The following SMURF2 variants were observed in gnomAD, a reference collection of about 807,000 sequenced individuals.
SMURF2 encodes the protein E3 ubiquitin-protein ligase SMURF2.
SMURF2 carries 48 observed loss-of-function variants against 109.6 expected under a neutral mutation model. That is an observed-to-expected ratio of 0.44 (90% confidence interval 0.35 to 0.56). The LOEUF is 0.56. Ranked by LOEUF, SMURF2 falls within the 20% of genes least tolerant of loss-of-function variation. SMURF2 has a pLI of 0.01. For synonymous variants in SMURF2, 288 were observed against 317.1 expected, an observed-to-expected ratio of 0.91 and a Z score of 0.97; for missense variants, 575 against 909.0, an observed-to-expected ratio of 0.63 and a Z score of 4.72.
chr17:64,548,515 G>A (rs944347520), intron 16 of SMURF2, among the ~76,000 whole-genome samples: 3 of 152,138 alleles, frequency 2.0e-5, no homozygotes, highest in Admixed American at 2.0e-4. Context: ...AGCCTCCCAA[G>A]TAGCTGGGAT....
At chr17:64,560,633 T>C (rs868944321) in intron 12 of SMURF2, among the ~76,000 whole-genome samples, 7 of 152,038 alleles carry the variant, frequency 4.6e-5, no homozygotes, top group South Asian at 2.1e-4. Flanking sequence ...TTTTCACACA[T>C]AGAAAAGAAT....
At chr17:64,631,310 G>C (rs952130343) in intron 1 of SMURF2, among the ~76,000 whole-genome samples, 89 of 132,034 alleles carry the variant, frequency 6.7e-4, no homozygotes, top group Non-Finnish European at 9.8e-4. Flanking sequence ...GAGAGAGAGA[G>C]AGAGAGAGAG....
intron 9 of SMURF2, among the ~76,000 whole-genome samples, chr17:64,576,396 G>C (rs1034026243): frequency 2.0e-5 from 3 of 152,012 alleles, no homozygotes; most frequent in Non-Finnish European, 4.4e-5. Context: ...AGGCACAGTG[G>C]CTCACGCATG....
At chr17:64,648,328 A>G (rs556037640) in intron 1 of SMURF2, among the ~76,000 whole-genome samples, 10 of 152,282 alleles carry the variant, frequency 6.6e-5, no homozygotes, top group African/African-American at 2.4e-4. Flanking sequence ...TCAAATATTA[A>G]CAAATGAACA....
chr17:64,620,046 C>G (rs16947930), intron 1 of SMURF2, among the ~76,000 whole-genome samples: 7,650 of 152,216 alleles, frequency 0.05, 317 homozygotes, highest in Admixed American at 0.14. Flanking sequence ...AGTGAACCTG[C>G]TCTTCTTTTT....
chr17:64,619,275 G>A (rs1250398674), intron 1 of SMURF2, among the ~76,000 whole-genome samples: 2 of 151,768 alleles, frequency 1.3e-5, no homozygotes, highest in East Asian at 1.9e-4. Context: ...TCAGGAGATC[G>A]AGACCAGCCT....
chr17:64,553,038 C>T lies in SMURF2; in HGVS notation c.1749-1334G>A, dbSNP rs116102114. Reference sequence around the variant, plus strand: ...ATTTTTTTTAAGTAGAAACGTAATACATACTTTTTACGTATATAACAAAAA... The same window carrying T: ...ATTTTTTTTAAGTAGAAACGTAATATATACTTTTTACGTATATAACAAAAA... On this transcript the variant is annotated intron_variant, in intron 15 of 18. Transcript: ENST00000262435. Among the ~76,000 whole-genome samples, 1,070 of 152,204 alleles carry T rather than the reference C, an allele frequency of 7.0e-3. 14 individuals carry two copies. Among genetic ancestry groups the T allele is most frequent in the African/African-American group, 0.025 (1,036 of 41,536 alleles).
chr17:64,552,559 A>G (rs1969060442), intron 15 of SMURF2, among the ~76,000 whole-genome samples: 2 of 152,204 alleles, frequency 1.3e-5, no homozygotes, highest in Admixed American at 1.3e-4. Flanking sequence ...TTTTTAATCT[A>G]ATAACTGTAG....
At chr17:64,576,967 G>A (rs1056044664) in intron 9 of SMURF2, among the ~76,000 whole-genome samples, 8 of 128,234 alleles carry the variant, frequency 6.2e-5, no homozygotes, top group Admixed American at 3.9e-4. Flanking sequence ...TGCAACTTCC[G>A]CCTCCCACTT....
At chr17:64,568,223 C>T (rs1969344162) in intron 10 of SMURF2, among the ~76,000 whole-genome samples, 1 of 152,134 alleles carries the variant, frequency 6.6e-6, no homozygotes, top group Admixed American at 6.6e-5. Context: ...CTCCTGACCT[C>T]AGGCAATCCG....
In SMURF2 at chr17:64,554,898, T is replaced by G. The variant is rs782068855; in HGVS notation, c.1706A>C (p.Lys569Thr). The G allele has an allele frequency of 1.2e-6, 2 of 1,613,780 alleles. No homozygotes were observed. Among genetic ancestry groups the G allele is most frequent in the Admixed American group, 3.3e-5 (2 of 60,012 alleles). The change falls in exon 15 of 19, where the codon AAA becomes ACA. Residue 569 changes from lysine to threonine, a missense_variant. Around this residue, in one of 5 missense-constraint regions of SMURF2, gnomAD observed 361 missense variants for 612.1 expected, o/e 0.59. Coordinates refer to ENST00000262435, the MANE Select transcript of SMURF2 (RefSeq NM_022739.4). ...IIQHELKPNG[K>T]SIPVNEENKK... ...ATTTTCTTCATTAACAGGGATACTTTTGCCATTTGGTTTAAGTTCATGCTG... is the reference window on the plus strand; with the variant it reads ...ATTTTCTTCATTAACAGGGATACTTGTGCCATTTGGTTTAAGTTCATGCTG...
chr17:64,622,288 T>C (rs925353885), intron 1 of SMURF2, among the ~76,000 whole-genome samples: 1 of 152,100 alleles, frequency 6.6e-6, no homozygotes, highest in Non-Finnish European at 1.5e-5. Flanking sequence ...TCACTTATCC[T>C]ATCATGAACA....
intron 1 of SMURF2, among the ~76,000 whole-genome samples, chr17:64,623,160 C>A (rs1197700013): frequency 1.3e-5 from 2 of 152,104 alleles, no homozygotes; most frequent in African/African-American, 4.8e-5. Context: ...TTAGTCATTT[C>A]TCCAAGCAAC....
At chr17:64,604,488 T>C (rs940201945) in intron 2 of SMURF2, among the ~76,000 whole-genome samples, 2 of 152,120 alleles carry the variant, frequency 1.3e-5, no homozygotes, top group South Asian at 4.1e-4. Context: ...CCTCTAGATA[T>C]CCTAGGAAAA....
chr17:64,594,459 C>T (rs1463047554), intron 3 of SMURF2, among the ~76,000 whole-genome samples: 1 of 152,190 alleles, frequency 6.6e-6, no homozygotes, highest in Non-Finnish European at 1.5e-5. Context: ...ATGCCCACCC[C>T]AGGCTTTTAA....
At chr17:64,555,349 T>G (rs1313545915) in intron 14 of SMURF2, among the ~76,000 whole-genome samples, 1 of 152,230 alleles carries the variant, frequency 6.6e-6, no homozygotes, top group African/African-American at 2.4e-5. Flanking sequence ...AGAAAGCTAC[T>G]GTATACTTTA....
chr17:64,607,693 G>A (rs539431540), intron 1 of SMURF2, among the ~76,000 whole-genome samples: 25 of 151,312 alleles, frequency 1.7e-4, no homozygotes, highest in African/African-American at 6.1e-4. Flanking sequence ...CTTACAGGCT[G>A]GGCACAGTGG....
intron 15 of SMURF2, 25 bp downstream of exon 15, chr17:64,554,831 G>A (rs1272661454): frequency 1.6e-5 from 26 of 1,606,188 alleles, no homozygotes; most frequent in Non-Finnish European, 2.2e-5. Context: ...AAAAAATTCA[G>A]CCTTGAGAAC....
intron 2 of SMURF2, among the ~76,000 whole-genome samples, chr17:64,601,124 C>T (rs1395735943): frequency 6.6e-6 from 1 of 151,914 alleles, no homozygotes; most frequent in African/African-American, 2.4e-5. Context: ...AGCATGGTGG[C>T]ATACGTCTGT....
Sources: gnomAD v4.1 joint callset for allele counts (sites outside exome capture counted in the v4.1 genomes callset) on GRCh38, gnomAD v4.1.1 for gene constraint, gnomAD v4.1.1 regional missense constraint, MANE v1.5 for transcripts, NCBI Gene and HGNC (gene_info 2026-07-23, HGNC 2026-07-21) for gene names.